Variants in DHX38 observed in about 807,000 individuals in gnomAD.
The protein encoded by DHX38 is pre-mRNA-splicing factor ATP-dependent RNA helicase PRP16.
Under a neutral mutation model 153.1 loss-of-function variants are expected in DHX38, and 100 were observed. That is an observed-to-expected ratio of 0.65 (90% confidence interval 0.56 to 0.77). The LOEUF (loss-of-function observed/expected upper bound fraction) is 0.77. Among genes scored for constraint, DHX38 ranks in the 30% least tolerant of loss-of-function variants. The pLI is 0.00. For synonymous variants in DHX38, 650 were observed against 631.7 expected (o/e 1.03, Z -0.43); for missense variants, 1,440 against 1,654.0 (o/e 0.87, Z 2.24).
intron 26 of DHX38, chr16:72,112,157 A>G (rs937286124): frequency 9.6e-6 from 5 of 522,094 alleles, no homozygotes; most frequent in African/African-American, 9.5e-5. Flanking sequence ...CTGCTTTTGT[A>G]GCTCCCCTAG....
intron 25 of DHX38, chr16:72,109,777 C>A: frequency 3.4e-6 from 1 of 290,554 alleles, no homozygotes; most frequent in Non-Finnish European, 6.4e-6. Context: ...AACAGGCCAC[C>A]ATGAATTCGT....
At chr16:72,111,278 C>G (rs540229024) in intron 26 of DHX38, among the ~76,000 whole-genome samples, 70 of 152,342 alleles carry the variant, frequency 4.6e-4, no homozygotes, top group African/African-American at 1.6e-3. Flanking sequence ...GACAGTACAC[C>G]TGCAGGGATT....
At position 72,096,555 on chromosome 16, in the gene DHX38, C is replaced by A. The variant is rs1429595640; in HGVS notation, c.323+75C>A. 9.5e-6 allele frequency: 14 copies of A among 1,478,448 alleles called. No individual in the cohort carries two copies. In the East Asian group the frequency reaches 2.6e-4, roughly 28 times the overall value. 91.6% of individuals were successfully genotyped at this position (1,478,448 alleles called of 1,614,324 possible). ...AAAATAACAGCTCATGTTTATCTCT[C>A]AGTTTTCCTGTTGGAGATTTAGAGC... On this transcript the variant is annotated intron_variant, in intron 2 of 26. Coordinates refer to ENST00000268482, the MANE Select transcript of DHX38 (RefSeq NM_014003.4).
Position 72,107,651 on chromosome 16 carries a change from T to C in DHX38, c.2816T>C (p.Leu939Pro). 6.2e-7 allele frequency: 1 copy of C among 1,614,178 alleles called. No individual in the cohort carries two copies. The highest frequency in any genetic ancestry group is 8.5e-7 in the Non-Finnish European group (1 of 1,180,016). The change falls in exon 21 of 27, where the codon CTG (leucine) becomes CCG (proline). Residue 939 changes from leucine to proline, a missense_variant. Physicochemically the swap from Leu to Pro is moderately conservative, Grantham distance 98. Coordinates refer to ENST00000268482, the MANE Select transcript of DHX38 (RefSeq NM_014003.4). The surrounding 1 kb of genome is among the most constrained non-coding windows in gnomAD (Gnocchi z 5.3). ...ILGALDNTGGLTSTGRLMVEF... is the reference protein window; with the variant it reads ...ILGALDNTGGPTSTGRLMVEF... Reference sequence around the variant, plus strand: ...GTTTGCTCATCTCTCCTAGGTGGTCTGACCTCTACCGGGCGGCTGATGGTG... The same window carrying C: ...GTTTGCTCATCTCTCCTAGGTGGTCCGACCTCTACCGGGCGGCTGATGGTG...
intron 25 of DHX38, 52 bp downstream of exon 25, chr16:72,109,562 T>C: frequency 6.5e-7 from 1 of 1,539,926 alleles, no homozygotes; most frequent in Non-Finnish European, 8.8e-7. Flanking sequence ...GGGGTCGGTG[T>C]TCCCTCCGCT....
At position 72,104,499 on chromosome 16, in the gene DHX38, G is replaced by T; in HGVS notation, c.2024G>T (p.Arg675Leu). Residue 675 changes from arginine (R) to leucine (L), a missense_variant, in exon 15 of 27, where the codon CGC becomes CTC. By Grantham distance (102) the Arg-to-Leu change is moderately radical. Coordinates refer to ENST00000268482, the MANE Select transcript of DHX38 (RefSeq NM_014003.4). This position sits in a 1 kb window ranked among gnomAD's most constrained non-coding sequence, Gnocchi z 4.5. ...CTCTTCTCTCAGGTAGTGGCTCGGC[G>T]CTCAGACCTGAAGCTCATCGTCACA... ...FGLLREVVAR[R>L]SDLKLIVTSA... 1 of 1,613,816 alleles carries T rather than the reference G, an allele frequency of 6.2e-7. No individual in the cohort carries two copies. Among genetic ancestry groups the T allele is most frequent in the Non-Finnish European group, 8.5e-7 (1 of 1,180,000 alleles).
chr16:72,106,444 C>G (rs1310522649), intron 19 of DHX38, among the ~76,000 whole-genome samples: 1 of 144,724 alleles, frequency 6.9e-6, no homozygotes, highest in Non-Finnish European at 1.6e-5. Context: ...TCCCCATTTT[C>G]TTTCTTTCTT....
Position 72,105,555 on chromosome 16 carries a change from T to C in DHX38, c.2418T>C (p.Asn806=). The C allele has an allele frequency of 2.5e-6, 4 of 1,614,170 alleles. No homozygotes were observed. Among genetic ancestry groups the C allele is most frequent in the Non-Finnish European group, 3.4e-6 (4 of 1,180,030 alleles). The change falls in exon 18 of 27, where the codon AAT becomes AAC. Residue 806 remains asparagine (N), a synonymous_variant. Transcript: ENST00000268482. ...TTCGGAAGTGCATCGTTGCCACCAA[T>C]ATTGCCGAGACGTCTCTCACTGTTG... ...DGVRKCIVAT[N]IAETSLTVDG...
chr16:72,111,106 G>A, intron 26 of DHX38, 29 bp downstream of exon 26: 9 of 1,533,966 alleles, frequency 5.9e-6, no homozygotes, highest in Non-Finnish European at 7.0e-6. Flanking sequence ...GCTCTGGCTG[G>A]GGTGGCACCC....
chr16:72,098,018 AGAATAGGGAGCTGGAG>A (rs1425412338), intron 4 of DHX38, among the ~76,000 whole-genome samples: 1 of 152,236 alleles, frequency 6.6e-6, no homozygotes, highest in East Asian at 1.9e-4. Context: ...ATGGTAGGAA[AGAATAGGGAGCTGGAG>A]GTAGAAGAAG....
In DHX38 at chr16:72,103,223, C is replaced by A. The variant is rs376356568; in HGVS notation, c.1637+12C>A. ...CTCACTATTATCAGGTAACTTCACC[C>A]GGGGCCCAGGAATCTAGTGTCAAGT... is the stretch of plus-strand genomic sequence containing the variant. On this transcript the variant is annotated intron_variant, in intron 12 of 26. Coordinates refer to ENST00000268482, the MANE Select transcript of DHX38 (RefSeq NM_014003.4). 1.9e-6 allele frequency: 3 copies of A among 1,611,544 alleles called. No individual in the cohort carries two copies.
rs2042056453 is a variant in DHX38 at position 72,098,799 on chromosome 16, T to C, written c.764+7T>C. 1 of 1,613,962 alleles carries C rather than the reference T, an allele frequency of 6.2e-7. No homozygotes were observed. Among genetic ancestry groups the C allele is most frequent in the Admixed American group, 1.7e-5 (1 of 60,022 alleles). On this transcript the variant is annotated splice_region_variant and intron_variant, in intron 5 of 26. Coordinates refer to ENST00000268482, the MANE Select transcript of DHX38 (RefSeq NM_014003.4). The stretch of plus-strand genomic sequence containing the variant: ...CCACTCGAGATCGAGACAGGTGATG[T>C]TCTGGGCAGAGCAGCCCAGTTTCGC...
chr16:72,103,166 A>G lies in DHX38; in HGVS notation c.1592A>G (p.Tyr531Cys), dbSNP rs757480323. ...AAGTCCATCCTGGAGCAGAGGCAGT[A>G]CCTGCCCATCTTTGCAGTGCAGCAG... Reference protein sequence around the residue: ...KKKSILEQRQYLPIFAVQQEL... With the variant: ...KKKSILEQRQCLPIFAVQQEL... Residue 531 changes from tyrosine to cysteine, a missense_variant, in exon 12 of 27, where the codon TAC (tyrosine) becomes TGC (cysteine). By Grantham distance (194) the Tyr-to-Cys change is radical. Coordinates refer to ENST00000268482, the MANE Select transcript of DHX38 (RefSeq NM_014003.4). 3 of 1,614,232 alleles carry G rather than the reference A, an allele frequency of 1.9e-6. No individual in the cohort carries two copies. In the Admixed American group the frequency reaches 5.0e-5, roughly 27 times the overall value.
rs1049496457 is a variant in DHX38 at position 72,104,014 on chromosome 16, G to C, written c.1893G>C (p.Gly631=). 6.2e-6 allele frequency: 10 copies of C among 1,614,182 alleles called. No homozygotes were observed. The highest frequency in any genetic ancestry group is 5.9e-6 in the Non-Finnish European group (7 of 1,180,040). ...CCTTGATCAAATACATGACTGACGGGATCCTGCTCCGAGAGTCCCTCCGGG... is the reference window on the plus strand; with the variant it reads ...CCTTGATCAAATACATGACTGACGGCATCCTGCTCCGAGAGTCCCTCCGGG... ...ENTLIKYMTD[G]ILLRESLREA... The change falls in exon 14 of 27, where the codon GGG becomes GGC. Residue 631 remains glycine, a synonymous_variant. Transcript: ENST00000268482. The surrounding 1 kb of genome is among the most constrained non-coding windows in gnomAD (Gnocchi z 4.5).
At chr16:72,100,005 C>G in intron 8 of DHX38, 118 bp downstream of exon 8, 4 of 1,370,962 alleles carry the variant, frequency 2.9e-6, no homozygotes, top group Non-Finnish European at 4.0e-6. Context: ...CCGAGAAGCC[C>G]AGATCCTCTG....
rs372270137 is a variant in DHX38, at chr16:72,105,600, C to T, written c.2463C>T (p.Ile821=). Reference sequence around the variant, plus strand: ...CTGTTGACGGCATCATGTTTGTTATCGATTCTGGTTATTGCAAATTAAAGG... The same window carrying T: ...CTGTTGACGGCATCATGTTTGTTATTGATTCTGGTTATTGCAAATTAAAGG... The part of the protein sequence containing the change: ...SLTVDGIMFV[I]DSGYCKLKVF... Residue 821 remains isoleucine (I), a synonymous_variant, in exon 18 of 27, where the codon ATC becomes ATT. Transcript: ENST00000268482. 14 of 1,614,090 alleles carry T rather than the reference C, an allele frequency of 8.7e-6. No individual in the cohort carries two copies. The highest frequency in any genetic ancestry group is 1.0e-5 in the Non-Finnish European group (12 of 1,180,014).
chr16:72,101,457 G>A, intron 10 of DHX38, 43 bp from the exon 11 acceptor site: 1 of 1,528,660 alleles, frequency 6.5e-7, no homozygotes, highest in Non-Finnish European at 8.9e-7. Context: ...ATTGCTCGCA[G>A]TCATGTGGCA....
Position 72,103,179 on chromosome 16 carries a change from T to G in DHX38, c.1605T>G (p.Phe535Leu). The G allele has an allele frequency of 6.2e-7, 1 of 1,614,212 alleles. No individual in the cohort carries two copies. Among genetic ancestry groups the G allele is most frequent in the Non-Finnish European group, 8.5e-7 (1 of 1,180,032 alleles). Residue 535 changes from phenylalanine (F) to leucine (L), a missense_variant, in exon 12 of 27, where the codon TTT becomes TTG. Around this residue, in one of 6 missense-constraint regions of DHX38, gnomAD observed 241 missense variants for 229.5 expected, o/e 1.05. Coordinates refer to ENST00000268482, the MANE Select transcript of DHX38 (RefSeq NM_014003.4). ...AGCAGAGGCAGTACCTGCCCATCTT[T>G]GCAGTGCAGCAGGAGCTGCTCACTA... Reference protein sequence around the residue: ...ILEQRQYLPIFAVQQELLTII... With the variant: ...ILEQRQYLPILAVQQELLTII...
chr16:72,112,074 G>A (rs987197887), intron 26 of DHX38: 1 of 328,354 alleles, frequency 3.0e-6, no homozygotes, highest in African/African-American at 2.0e-5. Flanking sequence ...AGGGTTTAGA[G>A]TTGGCTCCTA....
Sources: allele counts gnomAD v4.1 joint callset (sites outside exome capture counted in the v4.1 genomes callset), GRCh38; gene constraint gnomAD v4.1.1; regional missense constraint gnomAD v4.1.1; non-coding constraint Gnocchi (gnomAD v3.1); transcripts MANE v1.5; gene names NCBI Gene and HGNC (gene_info 2026-07-23, HGNC 2026-07-21).